BDP1: variants seen among roughly 807,000 people sequenced by gnomAD.
The protein encoded by BDP1 is BDP1 general transcription factor IIIB subunit, also known as transcription factor TFIIIB component B'' homolog.
BDP1 carries 169 observed loss-of-function variants against 266.6 expected under a neutral mutation model. The ratio of observed to expected loss-of-function variants is 0.63; its 90% CI spans 0.56 to 0.72. The LOEUF (loss-of-function observed/expected upper bound fraction) is 0.72, where lower values mean the gene tolerates loss of function less well. BDP1 is among the 30% of genes least tolerant of loss of function. BDP1 has a pLI of 0.00. For synonymous variants in BDP1, 1,090 were observed against 1,022.4 expected (o/e 1.07, Z -1.26); for missense variants, 3,015 against 3,053.8 (o/e 0.99, Z 0.30).
intron 7 of BDP1, among the ~76,000 whole-genome samples, chr5:71,473,508 T>C (rs1220597372): frequency 6.6e-6 from 1 of 151,432 alleles, no homozygotes; most frequent in African/African-American, 2.4e-5. Flanking sequence ...CTCCTGACCT[T>C]GTGATCCGCC....
At chr5:71,479,895 T>G (rs17334377) in intron 7 of BDP1, among the ~76,000 whole-genome samples, 67,404 of 151,694 alleles carry the variant, frequency 0.44, 15,355 homozygotes, top group South Asian at 0.55. Flanking sequence ...TTTTCTCATG[T>G]CATGTGGGTT....
intron 37 of BDP1, among the ~76,000 whole-genome samples, chr5:71,561,966 T>A (rs1743686495): frequency 6.6e-6 from 1 of 152,008 alleles, no homozygotes; most frequent in Non-Finnish European, 1.5e-5. Flanking sequence ...GTGTCTTGGC[T>A]GGGTGCGGTG....
chr5:71,526,689 T>G (rs1305645311), intron 25 of BDP1, among the ~76,000 whole-genome samples: 2 of 149,548 alleles, frequency 1.3e-5, no homozygotes, highest in Admixed American at 1.3e-4. Context: ...CTCTCTGTTT[T>G]TTTTTTTTTT....
chr5:71,458,541 A>T, intron 1 of BDP1, 38 bp from the exon 2 acceptor site: 4 of 1,488,086 alleles, frequency 2.7e-6, no homozygotes, highest in Non-Finnish European at 3.6e-6. Context: ...GTAACAGAAG[A>T]TTCATGTGCC....
At chr5:71,476,864 T>C (rs796853650) in intron 7 of BDP1, among the ~76,000 whole-genome samples, 11 of 152,210 alleles carry the variant, frequency 7.2e-5, no homozygotes, top group Admixed American at 2.0e-4. Context: ...CCACCACGCC[T>C]GGCTAATTTT....
rs1765147416 is a variant in BDP1 at position 71,515,009 on chromosome 5, G to T, written c.4536G>T (p.Val1512=). 1 of 1,612,886 alleles carries T rather than the reference G, an allele frequency of 6.2e-7. No homozygotes were observed. The highest frequency in any genetic ancestry group is 8.5e-7 in the Non-Finnish European group (1 of 1,179,586). The change falls in exon 20 of 39, where the codon GTG becomes GTT. Residue 1512 remains valine (V), a synonymous_variant. Transcript: ENST00000358731. The stretch of plus-strand genomic sequence containing the variant: ...TAGGTCACAGGAATGAGGAGGCTGT[G>T]ATATTGCCATGTACACAGACTGAAA... The part of the protein sequence containing the change: ...DTLGHRNEEA[V]ILPCTQTERN...
intron 35 of BDP1, 39 bp from the exon 36 acceptor site, chr5:71,556,847 A>G (rs1443669592): frequency 2.0e-6 from 2 of 1,008,312 alleles, no homozygotes; most frequent in African/African-American, 3.4e-5. Context: ...GTTTTACTTG[A>G]TAAATTTCTA....
At chr5:71,485,122 A>G (rs924356804) in intron 8 of BDP1, among the ~76,000 whole-genome samples, 7 of 152,236 alleles carry the variant, frequency 4.6e-5, no homozygotes, top group Non-Finnish European at 7.3e-5. Context: ...AAGCATTTTT[A>G]TAGACTATTA....
Position 71,489,424 on chromosome 5 carries a change from G to A in BDP1, c.1234G>A (p.Gly412Arg). 1 of 1,602,896 alleles carries A rather than the reference G, an allele frequency of 6.2e-7. No homozygotes were observed. The change falls in exon 10 of 39, where the codon GGA becomes AGA. Residue 412 changes from glycine (G) to arginine (R), a missense_variant. This residue lies in a region of BDP1 where 2,383 missense variants were observed against 2,404.9 expected (regional missense o/e 0.99). Transcript: ENST00000358731. ...TTCAGTGAAAAAAGTTGCCTGTGAAGGAGTGAATAATGATCCAGATGAGTC... is the reference window on the plus strand; with the variant it reads ...TTCAGTGAAAAAAGTTGCCTGTGAAAGAGTGAATAATGATCCAGATGAGTC... ...NVKVKKVACEGVNNDPDESMS... is the reference protein window; with the variant it reads ...NVKVKKVACERVNNDPDESMS...
chr5:71,468,856 C>G (rs571817863), intron 6 of BDP1, among the ~76,000 whole-genome samples: 1 of 152,126 alleles, frequency 6.6e-6, no homozygotes, highest in East Asian at 1.9e-4. Flanking sequence ...ATCCGCCTGC[C>G]TCAGCCTCCC....
In BDP1 at chr5:71,493,852, G is replaced by C. The variant is rs534472282; in HGVS notation, c.1641-1398G>C. Among the ~76,000 whole-genome samples the C allele has an allele frequency of 5.3e-5, 8 of 152,284 alleles. No homozygotes were observed. The South Asian group carries it at 1.7e-3, about 32-fold the overall frequency. On this transcript the variant is annotated intron_variant, in intron 11 of 38. Coordinates refer to ENST00000358731, the MANE Select transcript of BDP1 (RefSeq NM_018429.3). ...CTTTAGAAATTAGCGGGCAAAGATA[G>C]AACTAACTTCATTAGATTGAGCTGA...
chr5:71,482,423 T>A (rs1197241336), intron 7 of BDP1, among the ~76,000 whole-genome samples: 2 of 152,180 alleles, frequency 1.3e-5, no homozygotes, highest in Non-Finnish European at 2.9e-5. Flanking sequence ...TGAAAATAAT[T>A]GATGCATATA....
intron 29 of BDP1, 23 bp from the exon 30 acceptor site, chr5:71,542,082 A>G: frequency 3.2e-6 from 5 of 1,579,704 alleles, no homozygotes; most frequent in Non-Finnish European, 4.3e-6. Context: ...TGATTCATGA[A>G]TTTCTCTATC....
At chr5:71,514,306 A>G in intron 19 of BDP1, among the ~76,000 whole-genome samples, 1 of 152,202 alleles carries the variant, frequency 6.6e-6, no homozygotes, top group East Asian at 1.9e-4. Flanking sequence ...TCCTAAGCTT[A>G]TATTCATAAA....
At chr5:71,541,124 T>C (rs1766937719) in intron 28 of BDP1, among the ~76,000 whole-genome samples, 1 of 50,646 alleles carries the variant, frequency 2.0e-5, no homozygotes, top group African/African-American at 5.5e-5. Flanking sequence ...TCTTAAATGC[T>C]GACAGTGCTG....
chr5:71,516,128 A>G lies in BDP1; in HGVS notation c.4717A>G (p.Arg1573Gly), dbSNP rs779357810. The G allele has an allele frequency of 6.2e-7, 1 of 1,612,884 alleles. No homozygotes were observed. Among genetic ancestry groups the G allele is most frequent in the Non-Finnish European group, 8.5e-7 (1 of 1,179,326 alleles). Residue 1573 changes from arginine (R) to glycine (G), a missense_variant, in exon 21 of 39, where the codon AGG (arginine) becomes GGG (glycine). Coordinates refer to ENST00000358731, the MANE Select transcript of BDP1 (RefSeq NM_018429.3). The part of the protein sequence containing the change: ...ESVIQTARQV[R>G]GRLQRPRPNI... ...TGTTATCCAAACTGCTCGACAAGTA[A>G]GGGGCCGACTTCAGAGACCGAGACC...
intron 2 of BDP1, among the ~76,000 whole-genome samples, chr5:71,459,338 C>G (rs1256938292): frequency 2.0e-5 from 3 of 152,132 alleles, no homozygotes; most frequent in African/African-American, 4.8e-5. Context: ...ATGGCAAAAC[C>G]CTGTCTCTAC....
chr5:71,469,718 ATTC>A (rs754172720), intron 6 of BDP1, among the ~76,000 whole-genome samples: 5 of 151,662 alleles, frequency 3.3e-5, no homozygotes, highest in African/African-American at 4.9e-5. Context: ...GGTTCAAGCT[ATTC>A]TTCTGCCTCA....
intron 27 of BDP1, 53 bp downstream of exon 27, chr5:71,539,131 T>G: frequency 8.3e-7 from 1 of 1,211,188 alleles, no homozygotes; most frequent in Non-Finnish European, 1.2e-6. Context: ...ACTAGTACAG[T>G]GATTTAATAG....
Sources: gnomAD v4.1 joint callset for allele counts (sites outside exome capture counted in the v4.1 genomes callset) on GRCh38, gnomAD v4.1.1 for gene constraint, gnomAD v4.1.1 regional missense constraint, MANE v1.5 for transcripts, NCBI Gene and HGNC (gene_info 2026-07-23, HGNC 2026-07-21) for gene names.